The following ZNF69 variants were observed in gnomAD, a reference collection of about 807,000 sequenced individuals.
ZNF69 encodes zinc finger protein 69, also known as ZNF3.
ZNF69 carries 47 observed loss-of-function variants against 50.9 expected under a neutral mutation model. The observed-to-expected ratio is 0.92, with a 90% CI of 0.73 to 1.18. The LOEUF is 1.18. Among genes scored for constraint, ZNF69 ranks in the 50% most tolerant of loss-of-function variants. The probability of loss-of-function intolerance (pLI) is 0.00; values close to 1 mark genes in which losing one functional copy is unlikely to be tolerated. For synonymous variants in ZNF69, 216 were observed against 223.1 expected (o/e 0.97, Z 0.29); for missense variants, 717 against 675.1 (o/e 1.06, Z -0.69).
chr19:11,963,609 C>T, the ZNF69 span, among the ~76,000 whole-genome samples: 5 of 152,094 alleles, frequency 3.3e-5, no homozygotes, highest in Admixed American at 1.3e-4. Context: ...TAAATTCCCA[C>T]GGAATCCAAG....
rs769679589 is a variant in ZNF69 at position 11,905,160 on chromosome 19, A to G, written c.763A>G (p.Lys255Glu). 20 of 1,614,034 alleles carry G rather than the reference A, an allele frequency of 1.2e-5. No individual in the cohort carries two copies. In the East Asian group the frequency reaches 4.5e-4, roughly 36 times the overall value. The change falls in exon 4 of 4, where the codon AAA becomes GAA. Residue 255 changes from lysine (K) to glutamate (E), a missense_variant. By Grantham distance (56) the Lys-to-Glu change is moderately conservative (BLOSUM62 1). Coordinates refer to ENST00000429654, the MANE Select transcript of ZNF69 (RefSeq NM_001364730.1). ...EKPYECKQCGKSFSYSATLRI... is the reference protein window; with the variant it reads ...EKPYECKQCGESFSYSATLRI... ...ACCATATGAATGTAAACAATGTGGT[A>G]AATCCTTTAGTTATTCTGCTACCCT...
chr19:11,978,296 C>T, the ZNF69 span: 7 of 1,613,920 alleles, frequency 4.3e-6, no homozygotes, highest in Non-Finnish European at 4.2e-6. Context: ...TTAATATGAA[C>T]ATCAGAGGTG....
chr19:11,971,035 AT>A, the ZNF69 span, among the ~76,000 whole-genome samples: 1 of 152,170 alleles, frequency 6.6e-6, no homozygotes, highest in Non-Finnish European at 1.5e-5. Context: ...TTTTCTCTTA[AT>A]TAGTGTAGAG....
the ZNF69 span, chr19:11,947,568 G>T: frequency 6.2e-7 from 1 of 1,613,228 alleles, no homozygotes; most frequent in Admixed American, 1.7e-5. Context: ...CCCAGAAGAA[G>T]CTTCAGGTAA....
At chr19:11,950,972 G>A in the ZNF69 span, among the ~76,000 whole-genome samples, 5 of 151,842 alleles carry the variant, frequency 3.3e-5, no homozygotes, top group South Asian at 2.1e-4. Flanking sequence ...CCAACGTGGT[G>A]AAACCCTGTC....
the ZNF69 span, chr19:11,947,654 A>ATT: frequency 1.6e-6 from 2 of 1,281,874 alleles, no homozygotes; most frequent in Non-Finnish European, 1.1e-6. Flanking sequence ...GAAGTAAAAC[A>ATT]AAGAACTAAA....
the ZNF69 span, among the ~76,000 whole-genome samples, chr19:11,929,858 C>G: frequency 6.7e-6 from 1 of 148,314 alleles, no homozygotes; most frequent in Admixed American, 6.6e-5. Flanking sequence ...CCTGAAAAAT[C>G]CTTTCTGCCT....
At position 11,906,096 on chromosome 19, in the gene ZNF69, T is replaced by A; in HGVS notation, c.1699T>A (p.Ter567ArgextTer11). 2.5e-6 allele frequency: 4 copies of A among 1,610,262 alleles called. No homozygotes were observed. Among genetic ancestry groups the A allele is most frequent in the Non-Finnish European group, 2.5e-6 (3 of 1,178,872 alleles). Residue 567 changes from the stop codon to arginine, a stop_lost, in exon 4 of 4, where the codon TGA (stop) becomes AGA (arginine). Transcript: ENST00000429654. ...AGATAAACCCTATGAGTGTAAGCAA[T>A]GAGGGAAAGCCTTCAGATCTGCCTC... Reference protein sequence around the residue: ...PEDKPYECKQ* With the variant: ...PEDKPYECKQR
At chr19:11,913,636 G>A in exon 5 of ZNF69, 1 of 292,836 alleles carries the variant, frequency 3.4e-6, no homozygotes, top group East Asian at 5.5e-5. Context: ...TGATTCGCCT[G>A]CCTCGGCCTC....
chr19:11,933,794 G>A, the ZNF69 span, among the ~76,000 whole-genome samples: 1 of 145,232 alleles, frequency 6.9e-6, no homozygotes, highest in Non-Finnish European at 1.5e-5. Context: ...GCAGTGAGCT[G>A]AGATGGCGCC....
chr19:11,976,555 CAAAA>C, the ZNF69 span, among the ~76,000 whole-genome samples: 76 of 73,824 alleles, frequency 1.0e-3, no homozygotes, highest in South Asian at 6.1e-3. Context: ...GACTCTGTCT[CAAAA>C]AAAAAAAAAA....
chr19:11,950,446 A>G, the ZNF69 span: 1 of 731,256 alleles, frequency 1.4e-6, no homozygotes, highest in Non-Finnish European at 2.4e-6. Context: ...ATGTCATGAA[A>G]GGACTCACAC....
the ZNF69 span, among the ~76,000 whole-genome samples, chr19:11,975,132 G>A: frequency 5.3e-5 from 8 of 149,794 alleles, no homozygotes; most frequent in Non-Finnish European, 1.0e-4. Flanking sequence ...GAGTGTTACT[G>A]TTGTTGCCCA....
chr19:11,963,706 C>T, the ZNF69 span, among the ~76,000 whole-genome samples: 2 of 152,192 alleles, frequency 1.3e-5, no homozygotes, highest in Non-Finnish European at 2.9e-5. Context: ...AACCGCCCGA[C>T]TCTCTTCTCC....
At chr19:11,911,539 T>C (rs979274953), downstream of ZNF69, among the ~76,000 whole-genome samples, 1 of 152,168 alleles carries the variant, frequency 6.6e-6, no homozygotes, top group African/African-American at 2.4e-5. Flanking sequence ...TGGATGAAGC[T>C]GGAAACCATC....
the ZNF69 span, among the ~76,000 whole-genome samples, chr19:11,974,069 T>TTTTCTTTC: frequency 6.5e-3 from 742 of 114,788 alleles, 8 homozygotes; most frequent in South Asian, 9.9e-3. Flanking sequence ...TCCTTCTTTC[T>TTTTCTTTC]TTTCTTTCTT....
the ZNF69 span, chr19:11,979,063 A>G: frequency 1.2e-6 from 2 of 1,614,044 alleles, no homozygotes; most frequent in East Asian, 4.5e-5. Flanking sequence ...TTATCTTATA[A>G]GTTTTCAAAC....
intron 3 of ZNF69, among the ~76,000 whole-genome samples, chr19:11,904,232 C>A (rs1972311827): frequency 6.6e-6 from 1 of 152,074 alleles, no homozygotes; most frequent in African/African-American, 2.4e-5. Flanking sequence ...ATATCAACAA[C>A]AGCAAAAAAT....
At chr19:11,951,311 C>T in the ZNF69 span, among the ~76,000 whole-genome samples, 1 of 150,840 alleles carries the variant, frequency 6.6e-6, no homozygotes, top group South Asian at 2.1e-4. Flanking sequence ...TCACTGCCAC[C>T]TCCGCCTCCT....
Sources: allele counts gnomAD v4.1 joint callset (sites outside exome capture counted in the v4.1 genomes callset), GRCh38; gene constraint gnomAD v4.1.1; transcripts MANE v1.5; gene names NCBI Gene and HGNC (gene_info 2026-07-23, HGNC 2026-07-21).